Variants in SLC4A10 observed in about 807,000 individuals in gnomAD.
SLC4A10 encodes the protein sodium-driven chloride bicarbonate exchanger.
SLC4A10 carries 42 observed loss-of-function variants against 137.7 expected under a neutral mutation model. The ratio of observed to expected loss-of-function variants is 0.30; its 90% confidence interval spans 0.24 to 0.39. The LOEUF (loss-of-function observed/expected upper bound fraction) is 0.39, where lower values mean the gene tolerates loss of function less well. Ranked by LOEUF, SLC4A10 falls within the 10% of genes least tolerant of loss-of-function variation. The pLI is 1.00. For synonymous variants in SLC4A10, 474 were observed against 464.1 expected (o/e 1.02, Z -0.27); for missense variants, 925 against 1,355.0 (o/e 0.68, Z 4.98).
At chr2:161,883,354 A>G (rs919403351) in intron 10 of SLC4A10, among the ~76,000 whole-genome samples, 1 of 152,180 alleles carries the variant, frequency 6.6e-6, no homozygotes, top group African/African-American at 2.4e-5. Flanking sequence ...CTATGTTTAC[A>G]ATAGCTAAAA....
intron 6 of SLC4A10, among the ~76,000 whole-genome samples, chr2:161,867,595 A>G (rs1178956035): frequency 6.6e-6 from 1 of 152,028 alleles, no homozygotes; most frequent in Admixed American, 6.6e-5. Context: ...ACTAGATTTT[A>G]AGAGCAAACA....
intron 21 of SLC4A10, among the ~76,000 whole-genome samples, chr2:161,960,888 C>G (rs1696585983): frequency 6.6e-6 from 1 of 152,082 alleles, no homozygotes; most frequent in African/African-American, 2.4e-5. Context: ...CTGGCCTCCA[C>G]AAGTGTGGAA....
At chr2:161,958,453 G>C in intron 20 of SLC4A10, 34 bp from the exon 21 acceptor site, 1 of 1,568,324 alleles carries the variant, frequency 6.4e-7, no homozygotes, top group Non-Finnish European at 8.7e-7. Context: ...ATTTGAAAAT[G>C]ATTTCTGCCT....
At chr2:161,736,603 A>G (rs1210087189) in intron 1 of SLC4A10, among the ~76,000 whole-genome samples, 6 of 152,184 alleles carry the variant, frequency 3.9e-5, no homozygotes, top group Non-Finnish European at 1.5e-5. Context: ...TTATAAAACC[A>G]TCAGATCTTG....
At chr2:161,878,933 A>G (rs763001002) in intron 8 of SLC4A10, among the ~76,000 whole-genome samples, 198 bp from the exon 9 acceptor site, 1 of 152,140 alleles carries the variant, frequency 6.6e-6, no homozygotes, top group Non-Finnish European at 1.5e-5. Context: ...TACTCAGCTT[A>G]TTGATGACAA....
rs759310135 is a variant in SLC4A10, at chr2:161,900,973, C to T, written c.1404C>T (p.His468=). ...CAGCTCATGGGGAAGCAGAGCCCCA[C>T]GGAGGACATAGTGGACCTGAACTCC... The part of the protein sequence containing the change: ...GTAAHGEAEP[H]GGHSGPELQR... Residue 468 remains histidine, a synonymous_variant, in exon 12 of 27, where the codon CAC becomes CAT. Transcript: ENST00000446997. 2.2e-5 allele frequency: 34 copies of T among 1,568,942 alleles called. 1 individual carries two copies. The South Asian group carries it at 2.6e-4, about 12-fold the overall frequency.
At chr2:161,961,193 A>G (rs924074562) in intron 21 of SLC4A10, among the ~76,000 whole-genome samples, 3 of 152,210 alleles carry the variant, frequency 2.0e-5, no homozygotes, top group Admixed American at 2.0e-4. Flanking sequence ...GCAGCACGGG[A>G]TCTCTGTTCC....
intron 5 of SLC4A10, among the ~76,000 whole-genome samples, chr2:161,857,017 C>A (rs948098071): frequency 3.9e-5 from 6 of 152,152 alleles, no homozygotes; most frequent in Non-Finnish European, 7.4e-5. Flanking sequence ...TTTTACCAGT[C>A]TTCACATTTC....
intron 4 of SLC4A10, among the ~76,000 whole-genome samples, chr2:161,847,085 C>CA (rs112754742): frequency 0.37 from 51,686 of 139,088 alleles, 9,336 homozygotes; most frequent in Admixed American, 0.44. Context: ...TAAAAAAATA[C>CA]AAAAAAAAAA....
intron 2 of SLC4A10, among the ~76,000 whole-genome samples, chr2:161,803,400 G>C (rs2055579368): frequency 6.6e-6 from 1 of 151,830 alleles, no homozygotes; most frequent in African/African-American, 2.4e-5. Flanking sequence ...TTACATTAGG[G>C]TTCACTCTGT....
At chr2:161,641,377 G>A (rs1031691396) in intron 1 of SLC4A10, among the ~76,000 whole-genome samples, 1 of 151,066 alleles carries the variant, frequency 6.6e-6, no homozygotes, top group Non-Finnish European at 1.5e-5. Context: ...TTTGACAAAA[G>A]TAAAATTGCT....
intron 6 of SLC4A10, among the ~76,000 whole-genome samples, chr2:161,866,816 A>G (rs1429393261): frequency 1.3e-5 from 2 of 151,900 alleles, no homozygotes; most frequent in Non-Finnish European, 2.9e-5. Flanking sequence ...CTTTTGAGAC[A>G]TTGGGATTAT....
intron 1 of SLC4A10, among the ~76,000 whole-genome samples, chr2:161,730,773 A>G (rs1380442048): frequency 6.6e-6 from 1 of 152,214 alleles, no homozygotes; most frequent in African/African-American, 2.4e-5. Flanking sequence ...TATAATCAGA[A>G]CCACATCTCA....
chr2:161,895,565 C>G (rs1290503166), intron 11 of SLC4A10, among the ~76,000 whole-genome samples: 1 of 152,172 alleles, frequency 6.6e-6, no homozygotes, highest in African/African-American at 2.4e-5. Context: ...CACATCCTCT[C>G]CAGCACCTGT....
At chr2:161,757,154 A>G (rs555515381) in intron 1 of SLC4A10, among the ~76,000 whole-genome samples, 221 of 152,278 alleles carry the variant, frequency 1.5e-3, no homozygotes, top group African/African-American at 5.1e-3. Flanking sequence ...CTACTTAGAG[A>G]GTACTGTGCT....
intron 3 of SLC4A10, among the ~76,000 whole-genome samples, chr2:161,835,307 G>A (rs2058697507): frequency 1.3e-5 from 2 of 152,142 alleles, no homozygotes; most frequent in South Asian, 2.1e-4. Flanking sequence ...AAAGTGCTGG[G>A]ATTACAGGCA....
At chr2:161,700,766 A>T (rs893819992) in intron 1 of SLC4A10, among the ~76,000 whole-genome samples, 1 of 152,110 alleles carries the variant, frequency 6.6e-6, no homozygotes, top group Non-Finnish European at 1.5e-5. Context: ...AAAAGGCATC[A>T]GAATATAAAA....
At chr2:161,791,155 A>G (rs1006035729) in intron 2 of SLC4A10, among the ~76,000 whole-genome samples, 1 of 152,306 alleles carries the variant, frequency 6.6e-6, no homozygotes, top group South Asian at 2.1e-4. Context: ...TATTATAAAG[A>G]TACATGCACG....
chr2:161,810,510 G>A (rs908670462), intron 3 of SLC4A10, among the ~76,000 whole-genome samples: 4 of 151,908 alleles, frequency 2.6e-5, no homozygotes, highest in African/African-American at 9.7e-5. Context: ...GTTTTTCATA[G>A]ATGGCTCTTA....
Sources: gnomAD v4.1 joint callset for allele counts (sites outside exome capture counted in the v4.1 genomes callset) on GRCh38, gnomAD v4.1.1 for gene constraint, MANE v1.5 for transcripts, NCBI Gene and HGNC (gene_info 2026-07-23, HGNC 2026-07-21) for gene names.